The following PLXDC2 variants were observed in gnomAD, a reference collection of about 807,000 sequenced individuals.
The protein encoded by PLXDC2 is plexin domain containing 2, also known as plexin domain-containing protein 2.
PLXDC2 carries 40 observed loss-of-function variants against 68.9 expected under a neutral mutation model. That is an observed-to-expected ratio of 0.58 (90% CI 0.45 to 0.76). The LOEUF (loss-of-function observed/expected upper bound fraction) is 0.76, where lower values mean the gene tolerates loss of function less well. Among genes scored for constraint, PLXDC2 ranks in the 30% least tolerant of loss-of-function variants. The pLI is 0.00. For missense variants in PLXDC2, 644 were observed against 661.9 expected (o/e 0.97, Z 0.30); for synonymous variants, 243 against 234.2 (o/e 1.04, Z -0.34).
chr10:20,205,125 G>A (rs933828376), intron 9 of PLXDC2, among the ~76,000 whole-genome samples: 1 of 152,092 alleles, frequency 6.6e-6, no homozygotes, highest in Non-Finnish European at 1.5e-5. Context: ...GAGATTTGAT[G>A]AGATTTATAC....
chr10:20,066,018 G>C (rs1036302275), intron 3 of PLXDC2, among the ~76,000 whole-genome samples: 3 of 152,222 alleles, frequency 2.0e-5, no homozygotes, highest in Non-Finnish European at 4.4e-5. Flanking sequence ...GATAGTGACC[G>C]ATGTTTGGAG....
rs1174720760 is a variant in PLXDC2, at chr10:20,206,007, T to C, written c.1062-5662T>C. Reference sequence around the variant, plus strand: ...TATAGTGTAGTTTATGTTTCAAAATTGCTTAGACGGTAAATGTCAAATGTT... The same window carrying C: ...TATAGTGTAGTTTATGTTTCAAAATCGCTTAGACGGTAAATGTCAAATGTT... On this transcript the variant is annotated intron_variant, in intron 9 of 13. Coordinates refer to ENST00000377252, the MANE Select transcript of PLXDC2 (RefSeq NM_032812.9). 2.0e-5 allele frequency among the ~76,000 whole-genome samples: 3 copies of C among 152,100 alleles called. No individual in the cohort carries two copies. The East Asian group carries it at 5.8e-4, about 29-fold the overall frequency.
At chr10:20,220,248 A>G (rs1053349683) in intron 12 of PLXDC2, among the ~76,000 whole-genome samples, 1 of 152,170 alleles carries the variant, frequency 6.6e-6, no homozygotes, top group Non-Finnish European at 1.5e-5. Flanking sequence ...ATCTTAGGGC[A>G]TAAAGGGACT....
chr10:20,218,148 G>A (rs1257581331), intron 11 of PLXDC2, among the ~76,000 whole-genome samples: 1 of 152,036 alleles, frequency 6.6e-6, no homozygotes, highest in Non-Finnish European at 1.5e-5. Flanking sequence ...TAATGCTTGG[G>A]CACAGCTCAG....
At position 19,869,068 on chromosome 10, in the gene PLXDC2, T is replaced by C. The variant is rs75708447; in HGVS notation, c.112+51877T>C. ...GCTTTAGAGTTAGAGAACTCAGGGT[T>C]CAAGATTTGGCTCTATACTTTTCAA... is the stretch of plus-strand genomic sequence containing the variant. On this transcript the variant is annotated intron_variant, in intron 1 of 13. Coordinates refer to ENST00000377252, the MANE Select transcript of PLXDC2 (RefSeq NM_032812.9). Among the ~76,000 whole-genome samples, 29 of 152,206 alleles carry C rather than the reference T, an allele frequency of 1.9e-4. No homozygotes were observed. The East Asian group carries it at 5.6e-3, about 29-fold the overall frequency.
chr10:19,847,460 G>C (rs1410936741), intron 1 of PLXDC2, among the ~76,000 whole-genome samples: 1 of 152,182 alleles, frequency 6.6e-6, no homozygotes, highest in African/African-American at 2.4e-5. Context: ...GCATGTAGCT[G>C]TTAACTCAGC....
intron 4 of PLXDC2, among the ~76,000 whole-genome samples, chr10:20,094,667 TTTA>T (rs1228699182): frequency 6.6e-6 from 1 of 152,156 alleles, no homozygotes; most frequent in Non-Finnish European, 1.5e-5. Flanking sequence ...TGGTATAAGG[TTTA>T]TTTAAAAGGT....
intron 1 of PLXDC2, among the ~76,000 whole-genome samples, chr10:19,907,557 T>C (rs377575859): frequency 1.7e-3 from 261 of 152,308 alleles, no homozygotes; most frequent in African/African-American, 6.0e-3. Context: ...GCATTAAATA[T>C]GATTAAGGAG....
chr10:20,127,145 A>G (rs1833803858), intron 4 of PLXDC2, among the ~76,000 whole-genome samples: 1 of 152,112 alleles, frequency 6.6e-6, no homozygotes. Flanking sequence ...TACAATGCAG[A>G]TGGCTGTCTT....
intron 4 of PLXDC2, among the ~76,000 whole-genome samples, chr10:20,086,530 A>T (rs188162247): frequency 6.6e-6 from 1 of 151,980 alleles, no homozygotes; most frequent in East Asian, 1.9e-4. Context: ...GGCATTTTGC[A>T]TGTTCTTTTT....
At chr10:19,821,547 C>T (rs756876777) in intron 1 of PLXDC2, among the ~76,000 whole-genome samples, 6 of 152,172 alleles carry the variant, frequency 3.9e-5, no homozygotes, top group Non-Finnish European at 7.3e-5. Context: ...GGTCTGTTGT[C>T]ATTTATTTCT....
At chr10:20,011,627 T>G (rs1835116946) in intron 2 of PLXDC2, among the ~76,000 whole-genome samples, 1 of 152,212 alleles carries the variant, frequency 6.6e-6, no homozygotes, top group South Asian at 2.1e-4. Context: ...CCATTCCATA[T>G]CAATCGATTA....
At chr10:20,030,732 C>A (rs894802095) in intron 2 of PLXDC2, among the ~76,000 whole-genome samples, 7 of 152,044 alleles carry the variant, frequency 4.6e-5, no homozygotes, top group Non-Finnish European at 1.0e-4. Flanking sequence ...GAGAGGTGAG[C>A]GCTGATTAGT....
intron 3 of PLXDC2, among the ~76,000 whole-genome samples, chr10:20,050,575 T>C (rs1238965451): frequency 2.0e-5 from 3 of 151,800 alleles, no homozygotes; most frequent in African/African-American, 4.8e-5. Flanking sequence ...AAAGAAGACA[T>C]ACGTGCAGCC....
At chr10:19,892,877 C>G (rs1273964138) in intron 1 of PLXDC2, among the ~76,000 whole-genome samples, 1 of 151,104 alleles carries the variant, frequency 6.6e-6, no homozygotes, top group Non-Finnish European at 1.5e-5. Flanking sequence ...AATCAGACAG[C>G]AGGAGGAGCC....
Position 19,936,665 on chromosome 10 carries a change from G to A in PLXDC2, c.113-65110G>A, listed in dbSNP as rs147442056. Among the ~76,000 whole-genome samples, 521 of 152,278 alleles carry A rather than the reference G, an allele frequency of 3.4e-3. 5 individuals are homozygous for A. The highest frequency in any genetic ancestry group is 0.011 in the African/African-American group (460 of 41,566). On this transcript the variant is annotated intron_variant, in intron 1 of 13. Coordinates refer to ENST00000377252, the MANE Select transcript of PLXDC2 (RefSeq NM_032812.9). ...ACATATCATCCCAACTATTCATGCC[G>A]TGATGTATTGTTGGTAACTTGAAAT...
chr10:20,208,986 A>G (rs1286295934), intron 9 of PLXDC2, among the ~76,000 whole-genome samples: 1 of 152,144 alleles, frequency 6.6e-6, no homozygotes, highest in Non-Finnish European at 1.5e-5. Flanking sequence ...CACATGCTTC[A>G]GAAGGTAATA....
At chr10:20,124,358 G>A (rs1833741793) in intron 4 of PLXDC2, among the ~76,000 whole-genome samples, 1 of 152,152 alleles carries the variant, frequency 6.6e-6, no homozygotes, top group South Asian at 2.1e-4. Context: ...GAGAGAGGTT[G>A]GAGAAGAGAG....
At chr10:20,252,212 G>A (rs1835685588) in intron 13 of PLXDC2, among the ~76,000 whole-genome samples, 1 of 152,184 alleles carries the variant, frequency 6.6e-6, no homozygotes, top group Non-Finnish European at 1.5e-5. Context: ...CTGTCAATAT[G>A]TGGCTGCTGC....
Sources: gnomAD v4.1 joint callset for allele counts (sites outside exome capture counted in the v4.1 genomes callset) on GRCh38, gnomAD v4.1.1 for gene constraint, MANE v1.5 for transcripts, NCBI Gene and HGNC (gene_info 2026-07-23, HGNC 2026-07-21) for gene names.